The following PHEX variants were observed in gnomAD, a reference collection of about 807,000 sequenced individuals.
PHEX encodes the protein phosphate regulating endopeptidase X-linked.
In PHEX, 16 loss-of-function variants were observed where a neutral mutation model predicts 68.0. That is an observed-to-expected ratio of 0.24 (90% CI 0.16 to 0.36). PHEX has a LOEUF of 0.36. Ranked by LOEUF, PHEX falls within the 10% of genes least tolerant of loss-of-function variation. PHEX has a pLI of 1.00. For synonymous variants in PHEX, 208 were observed against 205.1 expected (o/e 1.01, Z -0.12); for missense variants, 480 against 575.5 (o/e 0.83, Z 1.70).
intron 16 of PHEX, among the ~76,000 whole-genome samples, chrX:22,218,486 G>T (rs143538364): frequency 7.1e-5 from 8 of 112,026 alleles, no homozygotes; most frequent in African/African-American, 2.6e-4. Context: ...TTGCTATTCA[G>T]TTGCTATCTT....
chrX:22,036,893 C>T (rs904127310), intron 1 of PHEX, among the ~76,000 whole-genome samples: 13 of 108,420 alleles, frequency 1.2e-4, no homozygotes, highest in South Asian at 4.0e-4. Flanking sequence ...GTTAGGAGAT[C>T]GAGACCATCC....
rs369300214 is a variant in PHEX, at chrX:22,082,679, G to A, written c.663+4977G>A. Among the ~76,000 whole-genome samples the A allele has an allele frequency of 2.0e-4, 23 of 112,218 alleles. No homozygotes were observed. The East Asian group carries it at 4.5e-3, about 22-fold the overall frequency. On this transcript the variant is annotated intron_variant, in intron 5 of 21. Coordinates refer to ENST00000379374, the MANE Select transcript of PHEX (RefSeq NM_000444.6). ...GGGTTGTCTGTTTATTCTGTTGATA[G>A]CTTCTTTTGCTGTGCAGAAGCTCTT...
chrX:22,046,465 A>G (rs1349340629), intron 2 of PHEX, among the ~76,000 whole-genome samples: 1 of 110,941 alleles, frequency 9.0e-6, no homozygotes, highest in African/African-American at 3.3e-5. Flanking sequence ...ACAATTGACC[A>G]CACGCTCTAT....
intron 20 of PHEX, among the ~76,000 whole-genome samples, chrX:22,228,279 G>C (rs1935579639): frequency 9.2e-6 from 1 of 109,009 alleles, no homozygotes; most frequent in South Asian, 3.7e-4. Flanking sequence ...CCTTTTCAAA[G>C]AAGTCAGGGA....
rs1170429389 is a variant in PHEX, at chrX:22,042,162, GTGTT to G, written c.187+3628_187+3631del. ...CATGCTGAAAGTTCAGAAGACTAGA[GTGTT>G]TGATCGCCTTCTGGACCATTTCTGA... On this transcript the variant is annotated intron_variant, in intron 2 of 21. Transcript: ENST00000379374. Among the ~76,000 whole-genome samples the G allele has an allele frequency of 4.5e-5, 5 of 111,574 alleles. No homozygotes were observed. The South Asian group carries it at 1.5e-3, about 34-fold the overall frequency.
intron 1 of PHEX, among the ~76,000 whole-genome samples, chrX:22,035,021 G>T (rs946579931): frequency 6.3e-5 from 7 of 110,752 alleles, no homozygotes; most frequent in Non-Finnish European, 1.1e-4. Flanking sequence ...CCAGGGACCT[G>T]CCTGGCAATG....
chrX:22,160,908 C>T (rs1449495956), intron 12 of PHEX, among the ~76,000 whole-genome samples: 1 of 110,539 alleles, frequency 9.0e-6, no homozygotes, highest in Non-Finnish European at 1.9e-5. Context: ...CTGAGGTGGA[C>T]ATATCATTTG....
rs753325295 is a variant in PHEX at position 22,131,333 on chromosome X, G to A, written c.1303-2190G>A. Among the ~76,000 whole-genome samples, 15 of 112,318 alleles carry A rather than the reference G, an allele frequency of 1.3e-4. No homozygotes were observed. In the East Asian group the frequency reaches 3.6e-3, roughly 27 times the overall value. On this transcript the variant is annotated intron_variant, in intron 11 of 21. Coordinates refer to ENST00000379374, the MANE Select transcript of PHEX (RefSeq NM_000444.6). ...TGGGATTACAGGTATGAGCCCCTGC[G>A]GCCAGCTCTCAGTATTTTTTAAAGT...
intron 20 of PHEX, among the ~76,000 whole-genome samples, chrX:22,231,020 C>A (rs1039697340): frequency 8.9e-6 from 1 of 112,109 alleles, no homozygotes; most frequent in Admixed American, 9.4e-5. Context: ...GCCTTTTCTG[C>A]ATCTATTGAG....
At chrX:22,140,237 T>G (rs1398183843) in intron 12 of PHEX, among the ~76,000 whole-genome samples, 1 of 110,535 alleles carries the variant, frequency 9.0e-6, no homozygotes, top group African/African-American at 3.3e-5. Context: ...TTTTCACCAT[T>G]TCTCGCAGGT....
intron 2 of PHEX, among the ~76,000 whole-genome samples, chrX:22,044,672 C>T (rs1927433728): frequency 9.2e-6 from 1 of 109,068 alleles, no homozygotes. Flanking sequence ...GAGATCACGC[C>T]ACTGCACTCC....
chrX:22,113,943 C>CTT (rs746349559), intron 10 of PHEX, among the ~76,000 whole-genome samples: 7,151 of 63,894 alleles, frequency 0.11, 521 homozygotes, highest in Non-Finnish European at 0.16. Context: ...TCTTCTTCTT[C>CTT]TTTTTTTTTT....
chrX:22,102,252 C>T (rs1258844608), intron 9 of PHEX, among the ~76,000 whole-genome samples: 1 of 110,414 alleles, frequency 9.1e-6, no homozygotes, highest in Non-Finnish European at 1.9e-5. Context: ...AGTAACCACC[C>T]TTCTATTCTC....
intron 8 of PHEX, 38 bp downstream of exon 8, chrX:22,097,076 A>G: frequency 1.1e-6 from 1 of 938,094 alleles, no homozygotes; most frequent in Non-Finnish European, 1.5e-6. Flanking sequence ...CTCTCAACTC[A>G]TCATTTTAGA....
chrX:22,153,980 C>T (rs774243126), intron 12 of PHEX, among the ~76,000 whole-genome samples: 4 of 111,459 alleles, frequency 3.6e-5, no homozygotes, highest in Non-Finnish European at 7.5e-5. Flanking sequence ...TATATCACGA[C>T]TTACAGCTGC....
intron 12 of PHEX, among the ~76,000 whole-genome samples, chrX:22,145,423 C>G (rs1932649985): frequency 9.0e-6 from 1 of 111,469 alleles, no homozygotes; most frequent in African/African-American, 3.3e-5. Context: ...CCAGACCAGC[C>G]TGGCCGACAT....
chrX:22,120,448 T>G (rs1284059778), intron 11 of PHEX, among the ~76,000 whole-genome samples: 2 of 111,713 alleles, frequency 1.8e-5, no homozygotes, highest in Non-Finnish European at 3.8e-5. Context: ...ATTAAGATCC[T>G]AAAAGGGCAT....
chrX:22,232,317 G>C (rs1935779121), intron 20 of PHEX, among the ~76,000 whole-genome samples: 1 of 110,770 alleles, frequency 9.0e-6, no homozygotes, highest in Non-Finnish European at 1.9e-5. Flanking sequence ...TCAAGTTCTG[G>C]ATATCCTTGT....
intron 20 of PHEX, among the ~76,000 whole-genome samples, chrX:22,237,531 TCTAA>T (rs1421366717): frequency 1.8e-5 from 2 of 112,055 alleles, no homozygotes; most frequent in African/African-American, 6.5e-5. Flanking sequence ...CTATAAATAA[TCTAA>T]CTAGCCTCTA....
Sources: gnomAD v4.1 joint callset for allele counts (sites outside exome capture counted in the v4.1 genomes callset) on GRCh38, gnomAD v4.1.1 for gene constraint, MANE v1.5 for transcripts, NCBI Gene and HGNC (gene_info 2026-07-23, HGNC 2026-07-21) for gene names.